The following MSRB3 variants were observed in gnomAD, a reference collection of about 807,000 sequenced individuals.
MSRB3 encodes the protein methionine-R-sulfoxide reductase B3.
A neutral mutation model predicts 21.0 loss-of-function variants in MSRB3; 13 were observed. The ratio of observed to expected loss-of-function variants is 0.62; its 90% CI spans 0.40 to 0.98. The LOEUF is 0.98. MSRB3 is among the 50% of genes least tolerant of loss of function. MSRB3 has a pLI of 0.00. For missense variants in MSRB3, 199 were observed against 230.3 expected (o/e 0.86, Z 0.88); for synonymous variants, 87 against 88.6 (o/e 0.98, Z 0.10).
intron 4 of MSRB3, among the ~76,000 whole-genome samples, chr12:65,350,228 G>A (rs575913500): frequency 2.9e-4 from 44 of 151,314 alleles, no homozygotes; most frequent in African/African-American, 6.6e-4. Context: ...GTAGATATGC[G>A]GCGTTATTTC....
intron 5 of MSRB3, among the ~76,000 whole-genome samples, chr12:65,438,562 G>A (rs1216868300): frequency 1.3e-5 from 2 of 151,836 alleles, no homozygotes; most frequent in Non-Finnish European, 2.9e-5. Context: ...CAATAGAAGT[G>A]TTAGGTTAGC....
At chr12:65,352,933 A>G (rs1321587638) in intron 4 of MSRB3, among the ~76,000 whole-genome samples, 1 of 151,940 alleles carries the variant, frequency 6.6e-6, no homozygotes, top group African/African-American at 2.4e-5. Context: ...AAAGCTACCA[A>G]TGACTTTCTT....
At chr12:65,300,142 G>A (rs1476711136) in intron 1 of MSRB3, among the ~76,000 whole-genome samples, 4 of 152,204 alleles carry the variant, frequency 2.6e-5, no homozygotes, top group Non-Finnish European at 5.9e-5. Context: ...CAGTGAATGT[G>A]CTTAGTGTCC....
chr12:65,324,481 T>C (rs1282127266), intron 2 of MSRB3, among the ~76,000 whole-genome samples: 1 of 152,308 alleles, frequency 6.6e-6, no homozygotes, highest in Non-Finnish European at 1.5e-5. Flanking sequence ...ATCTATGAAA[T>C]AAAGTCTCTT....
At chr12:65,445,751 T>C (rs1211687732) in intron 5 of MSRB3, among the ~76,000 whole-genome samples, 2 of 151,476 alleles carry the variant, frequency 1.3e-5, no homozygotes, top group African/African-American at 2.4e-5. Context: ...GTTCAAGCGA[T>C]TCTCCCACCT....
intron 4 of MSRB3, among the ~76,000 whole-genome samples, chr12:65,368,465 G>A (rs114093856): frequency 6.6e-6 from 1 of 152,110 alleles, no homozygotes; most frequent in Non-Finnish European, 1.5e-5. Context: ...AGCTTCAAAG[G>A]CTTCTGAATT....
intron 4 of MSRB3, among the ~76,000 whole-genome samples, chr12:65,332,756 G>A (rs1875514040): frequency 6.6e-6 from 1 of 152,114 alleles, no homozygotes; most frequent in Non-Finnish European, 1.5e-5. Context: ...ACTGCTGTGT[G>A]TATTTTACTT....
At chr12:65,369,071 A>G (rs751737685) in intron 5 of MSRB3, 45 bp downstream of exon 5, 4 of 1,339,942 alleles carry the variant, frequency 3.0e-6, no homozygotes, top group East Asian at 4.6e-5. Context: ...TTTTATTTAC[A>G]TTATTCTCTG....
At chr12:65,356,449 T>C (rs1338071354) in intron 4 of MSRB3, among the ~76,000 whole-genome samples, 2 of 151,832 alleles carry the variant, frequency 1.3e-5, no homozygotes, top group African/African-American at 2.4e-5. Flanking sequence ...TTATACAATG[T>C]GAGGGGACTT....
At chr12:65,352,098 C>T in intron 4 of MSRB3, among the ~76,000 whole-genome samples, 1 of 151,996 alleles carries the variant, frequency 6.6e-6, no homozygotes, top group African/African-American at 2.4e-5. Context: ...AGCAGCACAT[C>T]AAAAAGCTTA....
intron 6 of MSRB3, among the ~76,000 whole-genome samples, chr12:65,459,015 A>T (rs1883207901): frequency 6.6e-6 from 1 of 152,198 alleles, no homozygotes; most frequent in South Asian, 2.1e-4. Context: ...CAGTGAAGTA[A>T]GTTCCTTCTA....
At chr12:65,434,331 C>T (rs574942141) in intron 5 of MSRB3, among the ~76,000 whole-genome samples, 16 of 151,958 alleles carry the variant, frequency 1.1e-4, no homozygotes, top group African/African-American at 3.1e-4. Context: ...GAGATCTGCC[C>T]GTCTACCTCT....
intron 5 of MSRB3, among the ~76,000 whole-genome samples, chr12:65,446,966 T>C (rs565135420): frequency 3.9e-5 from 6 of 152,342 alleles, no homozygotes; most frequent in Non-Finnish European, 8.8e-5. Flanking sequence ...GACAGATCAT[T>C]AGTTACCCAC....
chr12:65,386,673 G>T (rs1298298957), intron 5 of MSRB3, among the ~76,000 whole-genome samples: 2 of 151,828 alleles, frequency 1.3e-5, no homozygotes, highest in African/African-American at 4.8e-5. Flanking sequence ...GCTTAAATTT[G>T]AGCTTGCTGG....
intron 4 of MSRB3, among the ~76,000 whole-genome samples, chr12:65,340,978 A>G (rs1353716028): frequency 6.6e-6 from 1 of 152,140 alleles, no homozygotes. Flanking sequence ...GTATCAATTA[A>G]AGAAAATAGA....
intron 5 of MSRB3, among the ~76,000 whole-genome samples, chr12:65,432,177 T>G (rs1881907470): frequency 6.9e-6 from 1 of 144,678 alleles, no homozygotes; most frequent in Non-Finnish European, 1.5e-5. Flanking sequence ...TTTAGTTGAT[T>G]AGTATATTAT....
At chr12:65,400,399 C>G (rs1186952206) in intron 5 of MSRB3, among the ~76,000 whole-genome samples, 3 of 152,002 alleles carry the variant, frequency 2.0e-5, no homozygotes, top group Non-Finnish European at 4.4e-5. Flanking sequence ...ATTTTTGTAG[C>G]AGTGTTTGTA....
chr12:65,347,333 T>C (rs962708407), intron 4 of MSRB3, among the ~76,000 whole-genome samples: 5 of 152,178 alleles, frequency 3.3e-5, no homozygotes, highest in Non-Finnish European at 5.9e-5. Context: ...AGGTATTTTA[T>C]TCTCTTTGAA....
At chr12:65,366,644 G>T (rs187621818) in intron 4 of MSRB3, among the ~76,000 whole-genome samples, 10 of 152,290 alleles carry the variant, frequency 6.6e-5, no homozygotes, top group Admixed American at 5.9e-4. Flanking sequence ...GATATTGGGG[G>T]TGCAGAAGAA....
Sources: allele counts gnomAD v4.1 joint callset (sites outside exome capture counted in the v4.1 genomes callset), GRCh38; gene constraint gnomAD v4.1.1; transcripts MANE v1.5; gene names NCBI Gene and HGNC (gene_info 2026-07-23, HGNC 2026-07-21).